Variants in ANKRD28 observed in about 807,000 individuals in gnomAD.
ANKRD28 encodes serine/threonine-protein phosphatase 6 regulatory ankyrin repeat subunit A.
ANKRD28 carries 44 observed loss-of-function variants against 126.5 expected under a neutral mutation model. That is an observed-to-expected ratio of 0.35 (90% CI 0.27 to 0.45). The LOEUF is 0.45. ANKRD28 is among the 20% of genes least tolerant of loss of function. The pLI is 1.00. For missense variants in ANKRD28, 1,110 were observed against 1,316.6 expected (o/e 0.84, Z 2.43); for synonymous variants, 442 against 468.5 (o/e 0.94, Z 0.73).
chr3:15,793,573 A>G (rs1246532306), intron 2 of ANKRD28, among the ~76,000 whole-genome samples: 2 of 152,330 alleles, frequency 1.3e-5, no homozygotes, highest in East Asian at 1.9e-4. Flanking sequence ...GGTAAATGGA[A>G]TTATAGTTCA....
chr3:15,845,416 G>T lies in ANKRD28; in HGVS notation c.27+13961C>A, dbSNP rs1290703042. Among the ~76,000 whole-genome samples the T allele has an allele frequency of 6.6e-6, 1 of 152,068 alleles. No individual in the cohort carries two copies. The highest frequency in any genetic ancestry group is 1.5e-5 in the Non-Finnish European group (1 of 68,016). On this transcript the variant is annotated intron_variant, in intron 1 of 27. Coordinates refer to the ANKRD28 transcript ENST00000399451. This position sits in a 1 kb window ranked among gnomAD's most constrained non-coding sequence, Gnocchi z 4.9. ...TCTTTGTCCTGAGAATGTCTAAAAG[G>T]TTACAGCTCCTTGGCATTATCTGTT...
chr3:15,831,953 A>G (rs1225354895), intron 1 of ANKRD28, among the ~76,000 whole-genome samples: 2 of 152,128 alleles, frequency 1.3e-5, no homozygotes, highest in African/African-American at 4.8e-5. Flanking sequence ...CATCAAAATA[A>G]CCCCCAGTAG....
intron 2 of ANKRD28, among the ~76,000 whole-genome samples, chr3:15,771,004 G>A (rs934949586): frequency 6.6e-6 from 1 of 152,114 alleles, no homozygotes; most frequent in African/African-American, 2.4e-5. Flanking sequence ...TGCAACAAAA[G>A]GATGAACATT....
At chr3:15,805,063 T>C (rs73040277) in intron 1 of ANKRD28, among the ~76,000 whole-genome samples, 6,172 of 145,448 alleles carry the variant, frequency 0.042, 674 homozygotes, top group Non-Finnish European at 0.057. Flanking sequence ...CTTTTCCAAG[T>C]AAGTGTAGAT....
chr3:15,690,046 A>G lies in ANKRD28; in HGVS notation c.1936T>C (p.Leu646=). 1.9e-6 allele frequency: 3 copies of G among 1,610,902 alleles called. No individual in the cohort carries two copies. Among genetic ancestry groups the G allele is most frequent in the Non-Finnish European group, 2.5e-6 (3 of 1,178,360 alleles). ...GCTGCATGAATAGGTGTCCTCTTCA[A>G]AATGTAATCTTTTACTAAGATTGAG... is the stretch of plus-strand genomic sequence containing the variant. ...GASILVKDYI[L]KRTPIHAAAT... is the part of the protein sequence containing the mutation. Residue 646 remains leucine (L), a synonymous_variant, in exon 18 of 28, where the codon TTG becomes CTG. Transcript: ENST00000683139.
chr3:15,814,432 T>C lies in ANKRD28; in HGVS notation c.28-19126A>G. 1 of 361,482 alleles carries C rather than the reference T, an allele frequency of 2.8e-6. No homozygotes were observed. Among genetic ancestry groups the C allele is most frequent in the Non-Finnish European group, 4.3e-6 (1 of 234,198 alleles). The allele number at this position is 361,482 out of a possible 1,614,324, so 22.4% of individuals were successfully genotyped here. A position where few individuals can be genotyped will look rare whatever the true frequency, so the allele number is the denominator to read the frequency against. The stretch of plus-strand genomic sequence containing the variant: ...AATTATTGGATAATATTCAAAAACT[T>C]ACTTTGGATTTTATTAATTCAGAAT... On this transcript the variant is annotated intron_variant, in intron 1 of 27. Transcript: ENST00000399451. The surrounding 1 kb of genome is among the most constrained non-coding windows in gnomAD (Gnocchi z 4.7).
intron 14 of ANKRD28, among the ~76,000 whole-genome samples, chr3:15,702,245 C>G (rs78834569): frequency 0.026 from 3,918 of 152,276 alleles, 174 homozygotes; most frequent in African/African-American, 0.089. Flanking sequence ...TCCCACAAAG[C>G]TTTAGAACAG....
chr3:15,764,405 ATACT>A (rs780794278), intron 3 of ANKRD28, among the ~76,000 whole-genome samples: 2 of 152,178 alleles, frequency 1.3e-5, no homozygotes, highest in East Asian at 1.9e-4. Flanking sequence ...TTTGACCATC[ATACT>A]TACAGAAACC....
intron 1 of ANKRD28, among the ~76,000 whole-genome samples, chr3:15,837,894 GA>G (rs60317341): frequency 0.2 from 19,024 of 94,088 alleles, 1,798 homozygotes; most frequent in East Asian, 0.61. Flanking sequence ...AAGCTAACCA[GA>G]AAAAAAAAAA....
At chr3:15,726,680 A>G (rs1309643737) in intron 6 of ANKRD28, among the ~76,000 whole-genome samples, 1 of 152,270 alleles carries the variant, frequency 6.6e-6, no homozygotes, top group Non-Finnish European at 1.5e-5. Context: ...ATATAAGATT[A>G]TTAATGAAGG....
At chr3:15,689,372 T>C (rs9864650) in intron 18 of ANKRD28, among the ~76,000 whole-genome samples, 6,276 of 152,212 alleles carry the variant, frequency 0.041, 420 homozygotes, top group African/African-American at 0.14. Flanking sequence ...AGGTGTGACA[T>C]AGAATTGGCC....
At chr3:15,823,887 C>T (rs1009511520) in intron 1 of ANKRD28, among the ~76,000 whole-genome samples, 6 of 152,146 alleles carry the variant, frequency 3.9e-5, no homozygotes, top group South Asian at 2.1e-4. Flanking sequence ...AAACACTCAA[C>T]ATCATAGAAG....
chr3:15,855,233 G>A (rs2061739582), intron 1 of ANKRD28, among the ~76,000 whole-genome samples: 2 of 152,010 alleles, frequency 1.3e-5, no homozygotes, highest in South Asian at 4.1e-4. Context: ...CACTCTTAGT[G>A]TGTACTTGAT....
chr3:15,829,931 T>C (rs1489193762), intron 1 of ANKRD28, among the ~76,000 whole-genome samples: 1 of 150,746 alleles, frequency 6.6e-6, no homozygotes, highest in African/African-American at 2.4e-5. Flanking sequence ...AGTAAAAAGG[T>C]ATTCTATTAA....
At chr3:15,834,927 C>T (rs1233519125) in intron 1 of ANKRD28, among the ~76,000 whole-genome samples, 3 of 152,126 alleles carry the variant, frequency 2.0e-5, no homozygotes, top group Non-Finnish European at 4.4e-5. Flanking sequence ...GTGGGCAAAT[C>T]ACTTGAGGCC....
chr3:15,850,224 T>TATATATATATATAGAGAG (rs1418223588), intron 1 of ANKRD28, among the ~76,000 whole-genome samples: 63 of 35,088 alleles, frequency 1.8e-3, no homozygotes, highest in Middle Eastern at 0.026. Flanking sequence ...TATATATATA[T>TATATATATATATAGAGAG]AGAGAGAGAG....
At chr3:15,732,620 C>T (rs940553568) in intron 6 of ANKRD28, 20 of 152,218 alleles carry the variant, frequency 1.3e-4, no homozygotes, top group Non-Finnish European at 2.2e-4. Flanking sequence ...ACTATTACCT[C>T]ATACTATGCC....
chr3:15,728,695 CTCTCTGA>C (rs2074365658), intron 6 of ANKRD28, among the ~76,000 whole-genome samples: 1 of 152,226 alleles, frequency 6.6e-6, no homozygotes. Context: ...AACTCACAAT[CTCTCTGA>C]TCTCTGCCTT....
intron 1 of ANKRD28, among the ~76,000 whole-genome samples, chr3:15,819,539 A>G (rs2060899924): frequency 6.6e-6 from 1 of 152,192 alleles, no homozygotes; most frequent in Non-Finnish European, 1.5e-5. Flanking sequence ...TAAACAAAAT[A>G]ATATTGGTTG....
Sources: allele counts gnomAD v4.1 joint callset (sites outside exome capture counted in the v4.1 genomes callset), GRCh38; gene constraint gnomAD v4.1.1; non-coding constraint Gnocchi (gnomAD v3.1); transcripts MANE v1.5; gene names NCBI Gene and HGNC (gene_info 2026-07-23, HGNC 2026-07-21).